CNTNAP2: variants seen among roughly 807,000 people sequenced by gnomAD.
The protein encoded by CNTNAP2 is contactin-associated protein-like 2.
Under a neutral mutation model 155.2 loss-of-function variants are expected in CNTNAP2, and 98 were observed. That is an observed-to-expected ratio of 0.63 (90% CI 0.54 to 0.75). The LOEUF is 0.75. Among genes scored for constraint, CNTNAP2 ranks in the 30% least tolerant of loss-of-function variants. The pLI is 0.00. For synonymous variants in CNTNAP2, 651 were observed against 631.2 expected (o/e 1.03, Z -0.47); for missense variants, 1,727 against 1,688.1 (o/e 1.02, Z -0.40).
intron 10 of CNTNAP2, among the ~76,000 whole-genome samples, chr7:147,411,446 A>G (rs1797101324): frequency 6.6e-6 from 1 of 152,210 alleles, no homozygotes; most frequent in East Asian, 1.9e-4. Flanking sequence ...AGACCCAATC[A>G]GTTTTCCAGG....
chr7:147,828,345 A>G (rs529016065), intron 13 of CNTNAP2, among the ~76,000 whole-genome samples: 1 of 152,306 alleles, frequency 6.6e-6, no homozygotes, highest in East Asian at 1.9e-4. Context: ...ATTTCATTTA[A>G]TACCACTAAG....
At chr7:147,793,090 G>A (rs1797844890) in intron 13 of CNTNAP2, among the ~76,000 whole-genome samples, 1 of 151,910 alleles carries the variant, frequency 6.6e-6, no homozygotes, top group Admixed American at 6.6e-5. Context: ...ACATATTCTG[G>A]TTTTATCAGG....
At chr7:146,611,370 C>T (rs768234290) in intron 1 of CNTNAP2, among the ~76,000 whole-genome samples, 17 of 152,084 alleles carry the variant, frequency 1.1e-4, no homozygotes, top group Non-Finnish European at 2.4e-4. Flanking sequence ...GGATTATAGG[C>T]GCGAGCCACC....
chr7:147,072,477 G>T (rs1260354516), intron 4 of CNTNAP2, among the ~76,000 whole-genome samples: 1 of 152,082 alleles, frequency 6.6e-6, no homozygotes, highest in East Asian at 1.9e-4. Context: ...TAGAGGACAG[G>T]TCTGAAGGCA....
intron 15 of CNTNAP2, among the ~76,000 whole-genome samples, chr7:147,992,419 C>G (rs1214412982): frequency 6.6e-6 from 1 of 152,068 alleles, no homozygotes. Flanking sequence ...GCCTCTATTA[C>G]TACCTGTAAA....
At chr7:148,036,424 T>C (rs915023785) in intron 15 of CNTNAP2, among the ~76,000 whole-genome samples, 4 of 152,108 alleles carry the variant, frequency 2.6e-5, no homozygotes, top group African/African-American at 9.7e-5. Context: ...TGCCATTATC[T>C]TAGAAGTGGG....
chr7:147,745,677 G>A (rs1335398811), intron 13 of CNTNAP2, among the ~76,000 whole-genome samples: 2 of 152,132 alleles, frequency 1.3e-5, no homozygotes, highest in Non-Finnish European at 2.9e-5. Context: ...AATGAAGTCA[G>A]CATTACTTGG....
chr7:147,672,048 A>G (rs1050658104), intron 13 of CNTNAP2: 1 of 150,490 alleles, frequency 6.6e-6, no homozygotes, highest in African/African-American at 2.4e-5. Context: ...TCAAGAGACT[A>G]AAAAAAAGTA....
At chr7:146,712,539 A>C (rs1043489741) in intron 1 of CNTNAP2, among the ~76,000 whole-genome samples, 5 of 150,618 alleles carry the variant, frequency 3.3e-5, no homozygotes, top group African/African-American at 1.2e-4. Context: ...GGCCAGAATG[A>C]TTTATTTCAA....
At chr7:147,511,248 C>T (rs985540683) in intron 11 of CNTNAP2, among the ~76,000 whole-genome samples, 2 of 151,962 alleles carry the variant, frequency 1.3e-5, no homozygotes, top group Non-Finnish European at 2.9e-5. Context: ...TTTAGTACAT[C>T]GTGAATACCG....
chr7:146,695,420 A>AC (rs962698375), intron 1 of CNTNAP2, among the ~76,000 whole-genome samples: 1 of 151,820 alleles, frequency 6.6e-6, no homozygotes, highest in African/African-American at 2.4e-5. Flanking sequence ...TAAATTAATT[A>AC]ATTATTTTTT....
At chr7:147,765,241 G>A (rs1687877448) in intron 13 of CNTNAP2, among the ~76,000 whole-genome samples, 1 of 152,140 alleles carries the variant, frequency 6.6e-6, no homozygotes, top group Non-Finnish European at 1.5e-5. Context: ...CATTTCTGAA[G>A]AGCTTGCAGA....
chr7:147,068,007 G>A (rs1311751334), intron 4 of CNTNAP2, among the ~76,000 whole-genome samples: 1 of 152,212 alleles, frequency 6.6e-6, no homozygotes, highest in Non-Finnish European at 1.5e-5. Flanking sequence ...TGAGATTCAG[G>A]CTTCTTGTGC....
At chr7:146,738,549 G>A (rs1563211058) in intron 1 of CNTNAP2, among the ~76,000 whole-genome samples, 1 of 151,490 alleles carries the variant, frequency 6.6e-6, no homozygotes, top group Non-Finnish European at 1.5e-5. Flanking sequence ...TACTTTTGCT[G>A]CCTGTGCTTT....
chr7:147,973,366 C>A (rs1801370661), intron 14 of CNTNAP2, among the ~76,000 whole-genome samples: 1 of 152,044 alleles, frequency 6.6e-6, no homozygotes, highest in Non-Finnish European at 1.5e-5. Context: ...AAGGAGGCAT[C>A]TTTATACTAT....
At chr7:147,589,777 G>C (rs757239276) in intron 12 of CNTNAP2, among the ~76,000 whole-genome samples, 1 of 152,050 alleles carries the variant, frequency 6.6e-6, no homozygotes, top group Non-Finnish European at 1.5e-5. Flanking sequence ...TATTCCAAAG[G>C]TGCATGAGTA....
intron 3 of CNTNAP2, among the ~76,000 whole-genome samples, chr7:146,843,952 C>T (rs28397066): frequency 0.037 from 5,642 of 151,906 alleles, 348 homozygotes; most frequent in African/African-American, 0.13. Context: ...TGATTGTTTA[C>T]CTGAGAAATA....
intron 3 of CNTNAP2, among the ~76,000 whole-genome samples, chr7:147,021,810 G>A (rs890328851): frequency 1.3e-5 from 2 of 151,944 alleles, no homozygotes; most frequent in African/African-American, 4.8e-5. Flanking sequence ...TTAACCCCTT[G>A]AACATTTGAT....
intron 3 of CNTNAP2, among the ~76,000 whole-genome samples, chr7:146,929,604 G>T (rs180922752): frequency 6.6e-6 from 1 of 152,198 alleles, no homozygotes; most frequent in South Asian, 2.1e-4. Flanking sequence ...ACTTTGACGA[G>T]TTGAGAGAAT....
Sources: allele counts gnomAD v4.1 joint callset (sites outside exome capture counted in the v4.1 genomes callset), GRCh38; gene constraint gnomAD v4.1.1; transcripts MANE v1.5; gene names NCBI Gene and HGNC (gene_info 2026-07-23, HGNC 2026-07-21).